Variants in RPS6KA1 observed in about 807,000 individuals in gnomAD.
The protein encoded by RPS6KA1 is ribosomal protein S6 kinase A1, also known as ribosomal protein S6 kinase alpha-1.
RPS6KA1 carries 48 observed loss-of-function variants against 91.3 expected under a neutral mutation model. The ratio of observed to expected loss-of-function variants is 0.53; its 90% CI spans 0.42 to 0.67. RPS6KA1 has a LOEUF of 0.67. Among genes scored for constraint, RPS6KA1 ranks in the 30% least tolerant of loss-of-function variants. The probability of loss-of-function intolerance (pLI) is 0.00; values close to 1 mark genes in which losing one functional copy is unlikely to be tolerated. For synonymous variants in RPS6KA1, 359 were observed against 384.7 expected (o/e 0.93, Z 0.78); for missense variants, 719 against 960.5 (o/e 0.75, Z 3.32).
rs181946945 is a variant in RPS6KA1 at position 26,548,018 on chromosome 1, A to G, written c.307+748A>G. Reference sequence around the variant, plus strand: ...CCGTCTCTACTAAAAATACAAAGAAATGAGCTGGGTGTGGTGGTGTGCACC... The same window carrying G: ...CCGTCTCTACTAAAAATACAAAGAAGTGAGCTGGGTGTGGTGGTGTGCACC... On this transcript the variant is annotated intron_variant, in intron 4 of 21. Transcript: ENST00000374168. Among the ~76,000 whole-genome samples the G allele has an allele frequency of 4.9e-3, 748 of 152,204 alleles. 6 individuals carry two copies. The highest frequency in any genetic ancestry group is 7.5e-3 in the Admixed American group (115 of 15,288).
chr1:26,563,895 G>GGC (rs1233406532), intron 17 of RPS6KA1, among the ~76,000 whole-genome samples: 2 of 152,076 alleles, frequency 1.3e-5, no homozygotes, highest in African/African-American at 4.8e-5. Context: ...AGCCAAGATG[G>GGC]GCAGATCACT....
rs562160807 is a variant in RPS6KA1, at chr1:26,551,057, G to A, written c.308-340G>A. Among the ~76,000 whole-genome samples, 84 of 152,268 alleles carry A rather than the reference G, an allele frequency of 5.5e-4. 1 individual carries two copies. The highest frequency in any genetic ancestry group is 3.4e-3 in the Middle Eastern group (1 of 294). ...GTGCAGAGGCAAAGTCTGAGGATCT[G>A]ACAAAGCAGAGAACCCTGGGGGAGC... On this transcript the variant is annotated intron_variant, in intron 4 of 21. Transcript: ENST00000374168. This position sits in a 1 kb window ranked among gnomAD's most constrained non-coding sequence, Gnocchi z 4.5.
At chr1:26,530,045 G>C (rs1325683444) in intron 1 of RPS6KA1, 62 bp downstream of exon 1, 2 of 1,167,774 alleles carry the variant, frequency 1.7e-6, no homozygotes, top group African/African-American at 1.6e-5. Flanking sequence ...TCACAGGGGC[G>C]GGGCGGCCCG....
At chr1:26,563,998 C>G (rs577073066) in intron 17 of RPS6KA1, among the ~76,000 whole-genome samples, 7 of 152,298 alleles carry the variant, frequency 4.6e-5, no homozygotes, top group African/African-American at 1.7e-4. Flanking sequence ...TGGCCCATGC[C>G]TGTAATCCCA....
At position 26,554,283 on chromosome 1, in the gene RPS6KA1, C is replaced by T. The variant is rs1397084110; in HGVS notation, c.613+32C>T. On this transcript the variant is annotated intron_variant, in intron 8 of 21. Coordinates refer to ENST00000374168, the MANE Select transcript of RPS6KA1 (RefSeq NM_002953.4). This position sits in a 1 kb window ranked among gnomAD's most constrained non-coding sequence, Gnocchi z 4.6. ...GGAGGGCGCCTGCCCCCTCGGGACC[C>T]AGGGGAGGACAGGACAAGGTCATGA... The T allele has an allele frequency of 1.3e-6, 2 of 1,550,434 alleles. No individual in the cohort carries two copies. Among genetic ancestry groups the T allele is most frequent in the Non-Finnish European group, 1.7e-6 (2 of 1,145,014 alleles).
intron 17 of RPS6KA1, among the ~76,000 whole-genome samples, chr1:26,563,283 G>A (rs2076170652): frequency 6.6e-6 from 1 of 152,074 alleles, no homozygotes; most frequent in South Asian, 2.1e-4. Context: ...CTGGAATGCA[G>A]TGACACAATT....
intron 17 of RPS6KA1, among the ~76,000 whole-genome samples, chr1:26,567,379 G>GTTGT (rs762086458): frequency 2.0e-5 from 3 of 151,330 alleles, no homozygotes; most frequent in African/African-American, 4.8e-5. Flanking sequence ...TTTTGTTGTT[G>GTTGT]TTGTTTGTTT....
intron 2 of RPS6KA1, chr1:26,543,077 A>C: frequency 7.0e-7 from 1 of 1,424,182 alleles, no homozygotes; most frequent in East Asian, 2.5e-5. Flanking sequence ...GGGGCCAGAG[A>C]CCCTGCCTTC....
intron 1 of RPS6KA1, among the ~76,000 whole-genome samples, chr1:26,535,751 A>G (rs2075901600): frequency 6.6e-6 from 1 of 152,058 alleles, no homozygotes; most frequent in Non-Finnish European, 1.5e-5. Flanking sequence ...CCCACTCACC[A>G]GTTGTGTGAC....
chr1:26,557,049 C>G lies in RPS6KA1; in HGVS notation c.1033C>G (p.Pro345Ala), dbSNP rs200823090. Residue 345 changes from proline (P) to alanine (A), a missense_variant, in exon 13 of 22, where the codon CCT becomes GCT. Physicochemically the swap from Pro to Ala is conservative, Grantham distance 27 (BLOSUM62 -1). Coordinates refer to ENST00000374168, the MANE Select transcript of RPS6KA1 (RefSeq NM_002953.4). Reference protein sequence around the residue: ...KPPFKPAVAQPDDTFYFDTEF... With the variant: ...KPPFKPAVAQADDTFYFDTEF... Reference sequence around the variant, plus strand: ...ACCCTTCAAGCCAGCAGTGGCTCAGCCTGATGACACCTTCTACTTTGACAC... The same window carrying G: ...ACCCTTCAAGCCAGCAGTGGCTCAGGCTGATGACACCTTCTACTTTGACAC... 22 of 1,614,152 alleles carry G rather than the reference C, an allele frequency of 1.4e-5. No homozygotes were observed. In the Admixed American group the frequency reaches 3.7e-4, roughly 27 times the overall value.
At chr1:26,550,180 AT>A (rs749615792) in intron 4 of RPS6KA1, among the ~76,000 whole-genome samples, 14,796 of 106,190 alleles carry the variant, frequency 0.14, 740 homozygotes, top group African/African-American at 0.16. Flanking sequence ...CGCCTGGCCA[AT>A]TTTTTTTTTT....
intron 1 of RPS6KA1, among the ~76,000 whole-genome samples, chr1:26,531,975 C>T (rs959734576): frequency 3.3e-5 from 5 of 152,148 alleles, no homozygotes; most frequent in Admixed American, 1.3e-4. Context: ...GACATGTAAG[C>T]GATACAGCCG....
intron 2 of RPS6KA1, among the ~76,000 whole-genome samples, chr1:26,542,243 C>T (rs1293630846): frequency 6.6e-6 from 1 of 152,184 alleles, no homozygotes; most frequent in East Asian, 1.9e-4. Flanking sequence ...TTGGGGCTTC[C>T]GAGAGCTGCC....
chr1:26,556,993 T>A lies in RPS6KA1; in HGVS notation c.982-5T>A. On this transcript the variant is annotated splice_polypyrimidine_tract_variant and splice_region_variant and intron_variant, in intron 12 of 21. Coordinates refer to ENST00000374168, the MANE Select transcript of RPS6KA1 (RefSeq NM_002953.4). ...GGTGACCAGAGTGCCCACCCCACTG[T>A]GCAGAAGCTATACCGTCGTGAGATC... 1.9e-6 allele frequency: 3 copies of A among 1,612,188 alleles called. No homozygotes were observed. The highest frequency in any genetic ancestry group is 2.5e-6 in the Non-Finnish European group (3 of 1,178,262).
rs2076091638 is a variant in RPS6KA1 at position 26,555,443 on chromosome 1, A to G, written c.828-94A>G. On this transcript the variant is annotated intron_variant, in intron 10 of 21. Transcript: ENST00000374168. The surrounding 1 kb of genome is among the most constrained non-coding windows in gnomAD (Gnocchi z 4.3). Reference sequence around the variant, plus strand: ...AAGTGAATTAGTGGATGGCTTGTCTAGACTGAGCTGGGAACTAGATCTGGA... The same window carrying G: ...AAGTGAATTAGTGGATGGCTTGTCTGGACTGAGCTGGGAACTAGATCTGGA... 1 of 1,294,258 alleles carries G rather than the reference A, an allele frequency of 7.7e-7. No homozygotes were observed. Among genetic ancestry groups the G allele is most frequent in the African/African-American group, 1.5e-5 (1 of 68,052 alleles). The allele number at this position is 1,294,258 out of a possible 1,614,324, so 80.2% of individuals were successfully genotyped here.
intron 2 of RPS6KA1, among the ~76,000 whole-genome samples, chr1:26,537,976 C>G (rs576661270): frequency 6.6e-6 from 1 of 152,344 alleles, no homozygotes; most frequent in South Asian, 2.1e-4. Flanking sequence ...AGTGACCCCA[C>G]CTTCCAGACC....
In RPS6KA1 at chr1:26,561,654, C is replaced by T; in HGVS notation, c.1581C>T (p.His527=). The T allele has an allele frequency of 1.9e-6, 3 of 1,605,720 alleles. No homozygotes were observed. The highest frequency in any genetic ancestry group is 2.6e-6 in the Non-Finnish European group (3 of 1,175,220). The change falls in exon 17 of 22, where the codon CAC becomes CAT. Residue 527 remains histidine, a synonymous_variant. Transcript: ENST00000374168. The surrounding 1 kb of genome is among the most constrained non-coding windows in gnomAD (Gnocchi z 5.7). The stretch of plus-strand genomic sequence containing the variant: ...TTGGCAAAACTGTGGAGTATCTGCA[C>T]TCACAGGGGGTGAGTCTGGATTCGG... ...HTIGKTVEYL[H]SQGVVHRDLK... is the part of the protein sequence containing the mutation.
chr1:26,545,374 C>T (rs912696027), intron 2 of RPS6KA1, among the ~76,000 whole-genome samples: 5 of 148,164 alleles, frequency 3.4e-5, no homozygotes, highest in Admixed American at 2.7e-4. Flanking sequence ...GACAGGGTTT[C>T]ATCATGTTAA....
Position 26,571,899 on chromosome 1 carries a change from C to T in RPS6KA1, c.1803C>T (p.Gly601=), listed in dbSNP as rs1303730114. Residue 601 remains glycine (G), a synonymous_variant, in exon 19 of 22, where the codon GGC becomes GGT. Transcript: ENST00000374168. This position sits in a 1 kb window ranked among gnomAD's most constrained non-coding sequence, Gnocchi z 5.1. ...AAGGCTGCGACATCTGGAGCCTGGG[C>T]ATTCTGCTGTACACCATGCTGGCAG... ...YDEGCDIWSL[G]ILLYTMLAGY... 1 of 1,611,870 alleles carries T rather than the reference C, an allele frequency of 6.2e-7. No homozygotes were observed. The highest frequency in any genetic ancestry group is 2.2e-5 in the East Asian group (1 of 44,880).
Sources: allele counts gnomAD v4.1 joint callset (sites outside exome capture counted in the v4.1 genomes callset), GRCh38; gene constraint gnomAD v4.1.1; non-coding constraint Gnocchi (gnomAD v3.1); transcripts MANE v1.5; gene names NCBI Gene and HGNC (gene_info 2026-07-23, HGNC 2026-07-21).